The following KLHDC10 variants were observed in gnomAD, a reference collection of about 807,000 sequenced individuals.
KLHDC10 encodes the protein kelch domain-containing protein 10.
In KLHDC10, 24 loss-of-function variants were observed where a neutral mutation model predicts 56.1. That is an observed-to-expected ratio of 0.43 (90% CI 0.31 to 0.60). The LOEUF (loss-of-function observed/expected upper bound fraction) is 0.60. Among genes scored for constraint, KLHDC10 ranks in the 20% least tolerant of loss-of-function variants. The probability of loss-of-function intolerance (pLI) is 0.11; values close to 1 mark genes in which losing one functional copy is unlikely to be tolerated. For synonymous variants in KLHDC10, 188 were observed against 207.1 expected, an observed-to-expected ratio of 0.91 and a Z score of 0.79; for missense variants, 349 against 567.0, an observed-to-expected ratio of 0.62 and a Z score of 3.91.
chr7:130,074,274 G>C (rs571546572), intron 1 of KLHDC10, among the ~76,000 whole-genome samples: 1 of 152,036 alleles, frequency 6.6e-6, no homozygotes, highest in Non-Finnish European at 1.5e-5. Flanking sequence ...TTAGATCTCA[G>C]TTTGATCAAA....
intron 2 of KLHDC10, among the ~76,000 whole-genome samples, chr7:130,103,912 A>C (rs568329609): frequency 3.3e-5 from 5 of 151,946 alleles, no homozygotes; most frequent in Admixed American, 3.3e-4. Context: ...ACATGATGAA[A>C]TCCCCCCTCT....
In KLHDC10 at chr7:130,130,738, T is replaced by C; in HGVS notation, c.1321T>C (p.Leu441=). 17 of 1,613,998 alleles carry C rather than the reference T, an allele frequency of 1.1e-5. No homozygotes were observed. Among genetic ancestry groups the C allele is most frequent in the Non-Finnish European group, 1.4e-5 (16 of 1,179,826 alleles). ...LGLTQGLIER[L]K is the part of the protein sequence containing the mutation. Reference sequence around the variant, plus strand: ...ACTCACACAGGGACTCATCGAACGCTTGAAATGAGGATTTCTGGACTGTTC... The same window carrying C: ...ACTCACACAGGGACTCATCGAACGCCTGAAATGAGGATTTCTGGACTGTTC... The change falls in exon 10 of 10, where the codon TTG becomes CTG. Residue 441 remains leucine (L), a synonymous_variant. Coordinates refer to ENST00000335420, the MANE Select transcript of KLHDC10 (RefSeq NM_014997.4). The surrounding 1 kb of genome is among the most constrained non-coding windows in gnomAD (Gnocchi z 4.2).
In KLHDC10 at chr7:130,102,143, GC is replaced by G. The variant is rs1419686798; in HGVS notation, c.253+5138del. On this transcript the variant is annotated intron_variant, in intron 2 of 9. Transcript: ENST00000335420. ...GGACAATACTGTCAAAATACAGCCT[GC>G]CAATTTTGGCAGTAATAAGGTCAAA... is the stretch of plus-strand genomic sequence containing the variant. 2.0e-5 allele frequency among the ~76,000 whole-genome samples: 3 copies of G among 152,204 alleles called. No homozygotes were observed. In the East Asian group the frequency reaches 5.8e-4, roughly 29 times the overall value.
At chr7:130,082,239 G>A (rs1584619311) in intron 1 of KLHDC10, among the ~76,000 whole-genome samples, 1 of 152,170 alleles carries the variant, frequency 6.6e-6, no homozygotes, top group Non-Finnish European at 1.5e-5. Context: ...CAGGAGGATT[G>A]TCTGAGCCCA....
intron 1 of KLHDC10, among the ~76,000 whole-genome samples, chr7:130,083,990 C>T (rs1295933215): frequency 1.3e-5 from 2 of 152,302 alleles, no homozygotes; most frequent in East Asian, 3.9e-4. Context: ...CCACCCTTCT[C>T]TTTTCAACTT....
At chr7:130,071,344 A>C (rs1003637486) in intron 1 of KLHDC10, among the ~76,000 whole-genome samples, 1 of 152,110 alleles carries the variant, frequency 6.6e-6, no homozygotes, top group African/African-American at 2.4e-5. Flanking sequence ...ATTAGGGAAA[A>C]CTAGTTGGAT....
chr7:130,129,706 C>A, intron 9 of KLHDC10, 130 bp downstream of exon 9: 1 of 799,798 alleles, frequency 1.3e-6, no homozygotes, highest in Non-Finnish European at 1.9e-6. Context: ...TTTAAAACTT[C>A]CTTCCAAAGC....
rs1329800817 is a variant in KLHDC10 at position 130,133,972 on chromosome 7, T to C, written c.*3226T>C. On this transcript the variant is annotated 3_prime_UTR_variant, in exon 10 of 10. Coordinates refer to ENST00000335420, the MANE Select transcript of KLHDC10 (RefSeq NM_014997.4). ...AATGACATGATGTAAAAATTTGCTT[T>C]AAACCATTCATGCCCTTAAATAGCT... The C allele has an allele frequency of 6.6e-6, 1 of 152,240 alleles. No homozygotes were observed. The highest frequency in any genetic ancestry group is 2.4e-5 in the African/African-American group (1 of 41,456). 9.4% of individuals were successfully genotyped at this position (152,240 alleles called of 1,614,324 possible).
chr7:130,090,906 C>T (rs1000199041), intron 1 of KLHDC10, among the ~76,000 whole-genome samples: 1 of 152,074 alleles, frequency 6.6e-6, no homozygotes, highest in Non-Finnish European at 1.5e-5. Context: ...ACAGCCACAG[C>T]CACCTTCCCT....
chr7:130,073,060 T>G (rs1795441207), intron 1 of KLHDC10, among the ~76,000 whole-genome samples: 1 of 149,606 alleles, frequency 6.7e-6, no homozygotes, highest in Non-Finnish European at 1.5e-5. Flanking sequence ...CCAGCCAAAT[T>G]TTTTATTTTT....
chr7:130,130,633 C>A lies in KLHDC10; in HGVS notation c.1216C>A (p.Leu406Met). Residue 406 changes from leucine (L) to methionine (M), a missense_variant, in exon 10 of 10, where the codon CTG becomes ATG. Physicochemically the swap from Leu to Met is conservative, Grantham distance 15 (BLOSUM62 2). Around this residue, in one of 2 missense-constraint regions of KLHDC10, gnomAD observed 245 missense variants for 470.1 expected, o/e 0.52. Transcript: ENST00000335420. This position sits in a 1 kb window ranked among gnomAD's most constrained non-coding sequence, Gnocchi z 4.2. ...GATCTGGCTGGTGGTACCTAGCCTG[C>A]TGGAACTGGCATGGGAGAAGCTGCT... ...FKIWLVVPSLLELAWEKLLAA... is the reference protein window; with the variant it reads ...FKIWLVVPSLMELAWEKLLAA... 1 of 1,614,118 alleles carries A rather than the reference C, an allele frequency of 6.2e-7. No homozygotes were observed. Among genetic ancestry groups the A allele is most frequent in the East Asian group, 2.2e-5 (1 of 44,874 alleles).
At chr7:130,097,866 C>T (rs1795870473) in intron 2 of KLHDC10, among the ~76,000 whole-genome samples, 1 of 152,030 alleles carries the variant, frequency 6.6e-6, no homozygotes. Context: ...CTAATACATA[C>T]TCCATACTGA....
chr7:130,089,033 T>C (rs866175876), intron 1 of KLHDC10, among the ~76,000 whole-genome samples: 1 of 152,110 alleles, frequency 6.6e-6, no homozygotes, highest in East Asian at 1.9e-4. Flanking sequence ...TATTTCAAGA[T>C]AGGCACATTC....
At chr7:130,109,659 G>A (rs1338180101) in intron 2 of KLHDC10, among the ~76,000 whole-genome samples, 5 of 152,040 alleles carry the variant, frequency 3.3e-5, no homozygotes, top group Non-Finnish European at 7.4e-5. Context: ...TTTGTTTTGA[G>A]ACGGAGTCTC....
In KLHDC10 at chr7:130,070,768, T is replaced by C. The variant is rs1467732293; in HGVS notation, c.125T>C (p.Leu42Pro). ...GGSGGRGTGQ[L>P]NRFVQLSGRP... ...AGCGGGGGTCGGGGGACTGGCCAGC[T>C]CAACCGCTTCGTGCAACTCTCCGGG... Residue 42 changes from leucine to proline, a missense_variant, in exon 1 of 10, where the codon CTC becomes CCC. Around this residue, in one of 2 missense-constraint regions of KLHDC10, gnomAD observed 104 missense variants for 97.0 expected, o/e 1.07. Coordinates refer to ENST00000335420, the MANE Select transcript of KLHDC10 (RefSeq NM_014997.4). 2 of 1,308,214 alleles carry C rather than the reference T, an allele frequency of 1.5e-6. No individual in the cohort carries two copies. The highest frequency in any genetic ancestry group is 3.0e-5 in the African/African-American group (2 of 66,314). The allele number at this position is 1,308,214 out of a possible 1,614,324, so 81.0% of individuals were successfully genotyped here.
chr7:130,129,605 T>C (rs768699359), intron 9 of KLHDC10, 29 bp downstream of exon 9: 2 of 1,600,888 alleles, frequency 1.2e-6, no homozygotes, highest in South Asian at 1.1e-5. Context: ...ATCTTCCTTA[T>C]GTAGTTACAG....
intron 8 of KLHDC10, among the ~76,000 whole-genome samples, chr7:130,128,676 C>T (rs962858097): frequency 6.6e-5 from 10 of 151,450 alleles, no homozygotes; most frequent in Non-Finnish European, 1.2e-4. Context: ...CTTTCCAGGA[C>T]ATTATTTAAA....
intron 8 of KLHDC10, 141 bp from the exon 9 acceptor site, chr7:130,129,296 C>G: frequency 1.2e-6 from 1 of 818,408 alleles, no homozygotes; most frequent in East Asian, 2.5e-5. Flanking sequence ...GCATGAGAGG[C>G]TGCACAGCAG....
chr7:130,074,959 C>T (rs537738311), intron 1 of KLHDC10, among the ~76,000 whole-genome samples: 12 of 152,110 alleles, frequency 7.9e-5, no homozygotes, highest in Admixed American at 7.2e-4. Context: ...GCATCCATTG[C>T]GACAGCACAA....
Sources: allele counts gnomAD v4.1 joint callset (sites outside exome capture counted in the v4.1 genomes callset), GRCh38; gene constraint gnomAD v4.1.1; regional missense constraint gnomAD v4.1.1; non-coding constraint Gnocchi (gnomAD v3.1); transcripts MANE v1.5; gene names NCBI Gene and HGNC (gene_info 2026-07-23, HGNC 2026-07-21).